The following CNBD1 variants were observed in gnomAD, a reference collection of about 807,000 sequenced individuals.
The protein encoded by CNBD1 is cyclic nucleotide binding domain containing 1.
Under a neutral mutation model 54.4 loss-of-function variants are expected in CNBD1, and 71 were observed. That is an observed-to-expected ratio of 1.30 (90% confidence interval 1.08 to 1.59). The LOEUF (loss-of-function observed/expected upper bound fraction) is 1.59. Among genes scored for constraint, CNBD1 ranks in the 40% most tolerant of loss-of-function variants. The pLI is 0.00. For synonymous variants in CNBD1, 182 were observed against 170.7 expected (o/e 1.07, Z -0.51); for missense variants, 659 against 518.0 (o/e 1.27, Z -2.64).
chr8:87,283,513 A>G (rs1218198035), intron 6 of CNBD1, among the ~76,000 whole-genome samples: 2 of 152,008 alleles, frequency 1.3e-5, no homozygotes, highest in Non-Finnish European at 2.9e-5. Flanking sequence ...GAGTTTTACT[A>G]GTTGTGTACC....
chr8:86,999,792 G>A (rs1808955223), intron 4 of CNBD1, among the ~76,000 whole-genome samples: 1 of 152,090 alleles, frequency 6.6e-6, no homozygotes, highest in African/African-American at 2.4e-5. Context: ...TCTGCAGTGG[G>A]GAGAAAGCTG....
chr8:87,326,200 A>C (rs1809665829), intron 8 of CNBD1, among the ~76,000 whole-genome samples: 1 of 124,328 alleles, frequency 8.0e-6, no homozygotes, highest in African/African-American at 3.0e-5. Flanking sequence ...CTTCCCTTTG[A>C]GGGTAACCCG....
chr8:86,917,823 A>T (rs1339310055), intron 3 of CNBD1, among the ~76,000 whole-genome samples: 2 of 152,144 alleles, frequency 1.3e-5, no homozygotes, highest in African/African-American at 4.8e-5. Context: ...AAGTCCAGAA[A>T]AAGATATGAA....
intron 4 of CNBD1, among the ~76,000 whole-genome samples, chr8:87,073,266 AGTT>A (rs1810795518): frequency 1.3e-5 from 2 of 151,772 alleles, no homozygotes; most frequent in South Asian, 4.2e-4. Context: ...AGCTCAGTAA[AGTT>A]TGTTATTACT....
intron 6 of CNBD1, among the ~76,000 whole-genome samples, chr8:87,275,798 T>C (rs12173801): frequency 0.27 from 39,318 of 148,158 alleles, 4,738 homozygotes; most frequent in African/African-American, 0.36. Flanking sequence ...TGTTTGCAGA[T>C]GACATGATTG....
intron 4 of CNBD1, among the ~76,000 whole-genome samples, chr8:87,036,379 G>A (rs544404316): frequency 6.6e-6 from 1 of 152,060 alleles, no homozygotes; most frequent in Non-Finnish European, 1.5e-5. Flanking sequence ...CGGATCACGA[G>A]GTCAGGAGAT....
At chr8:87,151,183 T>C (rs931675089) in intron 4 of CNBD1, among the ~76,000 whole-genome samples, 1 of 152,210 alleles carries the variant, frequency 6.6e-6, no homozygotes, top group African/African-American at 2.4e-5. Flanking sequence ...ATCATTAAGA[T>C]GTCATCGTTT....
At chr8:87,025,609 G>T (rs890681431) in intron 4 of CNBD1, among the ~76,000 whole-genome samples, 3 of 145,384 alleles carry the variant, frequency 2.1e-5, no homozygotes, top group African/African-American at 7.7e-5. Flanking sequence ...TGTAAGAGCT[G>T]TAACACTCAC....
intron 8 of CNBD1, among the ~76,000 whole-genome samples, chr8:87,315,848 G>C (rs1333890162): frequency 6.6e-6 from 1 of 152,022 alleles, no homozygotes; most frequent in Non-Finnish European, 1.5e-5. Context: ...AGGTAGCAGA[G>C]AAGATTTGGA....
chr8:87,193,798 G>T (rs780538059), intron 4 of CNBD1, among the ~76,000 whole-genome samples: 40 of 152,104 alleles, frequency 2.6e-4, no homozygotes, highest in Non-Finnish European at 5.4e-4. Context: ...AAAACTAAGT[G>T]TAACAAATAA....
intron 4 of CNBD1, among the ~76,000 whole-genome samples, chr8:86,964,681 C>T (rs1316787995): frequency 6.6e-6 from 1 of 152,088 alleles, no homozygotes; most frequent in African/African-American, 2.4e-5. Context: ...CTGGGACCTG[C>T]CTAAAATGAC....
At chr8:87,084,154 G>T (rs1425176848) in intron 4 of CNBD1, among the ~76,000 whole-genome samples, 1 of 152,052 alleles carries the variant, frequency 6.6e-6, no homozygotes, top group Non-Finnish European at 1.5e-5. Context: ...ATGTTTCATT[G>T]TATATATGTT....
intron 4 of CNBD1, among the ~76,000 whole-genome samples, chr8:87,112,423 C>G (rs989114859): frequency 6.6e-6 from 1 of 152,138 alleles, no homozygotes; most frequent in African/African-American, 2.4e-5. Flanking sequence ...AAGTCCTAGT[C>G]TTGGTGTTCA....
At chr8:87,183,104 A>G (rs1005349942) in intron 4 of CNBD1, among the ~76,000 whole-genome samples, 3 of 152,156 alleles carry the variant, frequency 2.0e-5, no homozygotes, top group African/African-American at 7.2e-5. Flanking sequence ...GTCCAGTTTT[A>G]GTCTAACTTA....
chr8:86,891,833 A>G (rs1808773159), intron 2 of CNBD1, among the ~76,000 whole-genome samples: 1 of 152,084 alleles, frequency 6.6e-6, no homozygotes, highest in African/African-American at 2.4e-5. Context: ...TTGTTGCTAT[A>G]GTAAATAGAA....
intron 2 of CNBD1, among the ~76,000 whole-genome samples, chr8:87,421,418 TCCC>T (rs1298029692): frequency 1.6e-5 from 1 of 62,666 alleles, no homozygotes. Context: ...ATGCTCTCCC[TCCC>T]CCCCTCCCCC....
chr8:87,322,142 T>A (rs1809550845), intron 8 of CNBD1, among the ~76,000 whole-genome samples: 1 of 121,438 alleles, frequency 8.2e-6, no homozygotes, highest in South Asian at 2.4e-4. Flanking sequence ...CTCATCATTT[T>A]TTATGGCTGC....
intron 4 of CNBD1, among the ~76,000 whole-genome samples, chr8:87,151,295 A>G (rs987403925): frequency 9.2e-5 from 14 of 152,190 alleles, no homozygotes; most frequent in Admixed American, 2.0e-4. Flanking sequence ...TCTACAATCT[A>G]CCAGATACTG....
intron 5 of CNBD1, among the ~76,000 whole-genome samples, chr8:87,210,770 G>A (rs982740399): frequency 2.0e-5 from 3 of 152,204 alleles, no homozygotes; most frequent in African/African-American, 2.4e-5. Flanking sequence ...TGCCCAGGCA[G>A]AAGCCTGCTA....
Sources: allele counts gnomAD v4.1 joint callset (sites outside exome capture counted in the v4.1 genomes callset), GRCh38; gene constraint gnomAD v4.1.1; transcripts MANE v1.5; gene names NCBI Gene and HGNC (gene_info 2026-07-23, HGNC 2026-07-21).